The following AGO1 variants were observed in gnomAD, a reference collection of about 807,000 sequenced individuals.
AGO1 encodes protein argonaute-1.
Under a neutral mutation model 109.2 loss-of-function variants are expected in AGO1, and 11 were observed. That is an observed-to-expected ratio of 0.10 (90% confidence interval 0.06 to 0.17). The LOEUF is 0.17. AGO1 is among the 10% of genes least tolerant of loss of function. The probability of loss-of-function intolerance (pLI) is 1.00; values close to 1 mark genes in which losing one functional copy is unlikely to be tolerated. For synonymous variants in AGO1, 422 were observed against 418.6 expected (o/e 1.01, Z -0.10); for missense variants, 574 against 1,140.3 (o/e 0.50, Z 7.15).
intron 12 of AGO1, among the ~76,000 whole-genome samples, chr1:35,908,695 T>G (rs1645573637): frequency 6.6e-6 from 1 of 152,228 alleles, no homozygotes. Flanking sequence ...CTAAGTACCT[T>G]CATTCAAACT....
rs1645862778 is a variant in AGO1, at chr1:35,923,127, AT to A, written c.*3521del. The A allele has an allele frequency of 6.6e-6, 1 of 152,224 alleles. No homozygotes were observed. The highest frequency in any genetic ancestry group is 1.5e-5 in the Non-Finnish European group (1 of 68,054). 9.4% of individuals were successfully genotyped at this position (152,224 alleles called of 1,614,324 possible). ...CGAGGTGCTACACTGGCCTCCAGGG[AT>A]AAGCCTGGGGCTACTGTTGCTGGGA... On this transcript the variant is annotated 3_prime_UTR_variant, in exon 19 of 19. Transcript: ENST00000373204.
intron 1 of AGO1, among the ~76,000 whole-genome samples, chr1:35,887,345 C>T (rs150683621): frequency 3.9e-4 from 59 of 152,288 alleles, no homozygotes; most frequent in African/African-American, 1.3e-3. Context: ...GGCTAGTTCT[C>T]TACTGCCAAG....
At chr1:35,875,210 CA>C (rs1376830827) in intron 1 of AGO1, among the ~76,000 whole-genome samples, 2 of 152,162 alleles carry the variant, frequency 1.3e-5, no homozygotes, top group African/African-American at 4.8e-5. Context: ...TGCCTGGCTT[CA>C]AAGCTTCAAA....
chr1:35,913,724 A>G (rs1297830396), intron 12 of AGO1, 118 bp from the exon 13 acceptor site: 20 of 1,018,736 alleles, frequency 2.0e-5, no homozygotes, highest in Non-Finnish European at 2.7e-5. Context: ...GAGAGTAAGG[A>G]CCTTATGTGT....
At chr1:35,878,324 A>G (rs1389772466), upstream of AGO1, among the ~76,000 whole-genome samples, 1 of 151,480 alleles carries the variant, frequency 6.6e-6, no homozygotes, top group Non-Finnish European at 1.5e-5. Context: ...TGATCTCATG[A>G]TCCTCCCGGC....
At chr1:35,896,398 G>T (rs1248828863) in intron 8 of AGO1, among the ~76,000 whole-genome samples, 1 of 151,130 alleles carries the variant, frequency 6.6e-6, no homozygotes, top group Non-Finnish European at 1.5e-5. Context: ...TTTTGAGACA[G>T]AGTCTCGCTG....
At chr1:35,909,563 C>G (rs1193067319) in intron 12 of AGO1, among the ~76,000 whole-genome samples, 1 of 152,196 alleles carries the variant, frequency 6.6e-6, no homozygotes, top group East Asian at 1.9e-4. Flanking sequence ...AAAATTCTCT[C>G]CATCCTTTAA....
upstream of AGO1, among the ~76,000 whole-genome samples, chr1:35,880,576 G>T (rs1019128630): frequency 6.6e-6 from 1 of 152,094 alleles, no homozygotes. Context: ...AGAATATAGT[G>T]TGAGAGGCAA....
At chr1:35,885,116 C>T (rs1445368981) in intron 1 of AGO1, among the ~76,000 whole-genome samples, 3 of 151,404 alleles carry the variant, frequency 2.0e-5, no homozygotes, top group Admixed American at 2.0e-4. Context: ...ACTGTGTAGT[C>T]GTAAGGATAA....
rs947018571 is a variant in AGO1, at chr1:35,929,079, C to G, written c.*9472C>G. ...ACTGGCACTGTTCTAGGTACTGGGG[C>G]AATGACAGTTAAGATAATACCCAAT... On this transcript the variant is annotated 3_prime_UTR_variant, in exon 19 of 19. Coordinates refer to ENST00000373204, the MANE Select transcript of AGO1 (RefSeq NM_012199.5). 15 of 152,220 alleles carry G rather than the reference C, an allele frequency of 9.9e-5. No individual in the cohort carries two copies. Among genetic ancestry groups the G allele is most frequent in the African/African-American group, 3.4e-4 (14 of 41,458 alleles). The allele number at this position is 152,220 out of a possible 1,614,324, so 9.4% of individuals were successfully genotyped here.
chr1:35,908,079 A>G (rs562398970), intron 12 of AGO1, among the ~76,000 whole-genome samples: 1 of 152,334 alleles, frequency 6.6e-6, no homozygotes, highest in Admixed American at 6.5e-5. Context: ...AGCTTGGGTA[A>G]CATAGTGAGA....
chr1:35,901,944 G>T lies in AGO1; in HGVS notation c.1141-4G>T, dbSNP rs143106048. On this transcript the variant is annotated splice_polypyrimidine_tract_variant and splice_region_variant and intron_variant, in intron 9 of 18. Transcript: ENST00000373204. The surrounding 1 kb of genome is among the most constrained non-coding windows in gnomAD (Gnocchi z 4.8). ...TCCTGAGATTGCTCTCTTTTGTCCT[G>T]CAGATGAAGAATGCCAGCTACAACT... 278 of 1,581,278 alleles carry T rather than the reference G, an allele frequency of 1.8e-4. 1 individual carries two copies. Among genetic ancestry groups the T allele is most frequent in the Middle Eastern group, 1.7e-3 (10 of 5,866 alleles).
intron 12 of AGO1, among the ~76,000 whole-genome samples, chr1:35,910,685 T>C (rs1645617062): frequency 6.6e-6 from 1 of 152,228 alleles, no homozygotes; most frequent in Non-Finnish European, 1.5e-5. Context: ...GTTATAGTTT[T>C]TCCATCATAT....
intron 11 of AGO1, among the ~76,000 whole-genome samples, chr1:35,904,352 G>A (rs190075584): frequency 1.3e-5 from 2 of 151,994 alleles, no homozygotes; most frequent in Non-Finnish European, 2.9e-5. Context: ...TGATCCACCC[G>A]CCTCGGCCTT....
rs1225506641 is a variant in AGO1 at position 35,919,979 on chromosome 1, A to C, written c.*372A>C. 1 of 185,184 alleles carries C rather than the reference A, an allele frequency of 5.4e-6. No individual in the cohort carries two copies. Among genetic ancestry groups the C allele is most frequent in the East Asian group, 1.4e-4 (1 of 7,382 alleles). 11.5% of individuals were successfully genotyped at this position (185,184 alleles called of 1,614,324 possible). On this transcript the variant is annotated 3_prime_UTR_variant, in exon 19 of 19. Coordinates refer to ENST00000373204, the MANE Select transcript of AGO1 (RefSeq NM_012199.5). The surrounding 1 kb of genome is among the most constrained non-coding windows in gnomAD (Gnocchi z 6.6). ...AGGTCAACTCTGTAGCCCTGCAGAC[A>C]AAAGCTGGTTAGGTTTGGGTTTGAT...
rs150023314 is a variant in AGO1 at position 35,919,748 on chromosome 1, G to A, written c.*141G>A. The A allele has an allele frequency of 1.4e-6, 1 of 720,852 alleles. No individual in the cohort carries two copies. Among genetic ancestry groups the A allele is most frequent in the South Asian group, 1.9e-5 (1 of 52,128 alleles). 44.7% of individuals were successfully genotyped at this position (720,852 alleles called of 1,614,324 possible). On this transcript the variant is annotated 3_prime_UTR_variant, in exon 19 of 19. Coordinates refer to ENST00000373204, the MANE Select transcript of AGO1 (RefSeq NM_012199.5). The surrounding 1 kb of genome is among the most constrained non-coding windows in gnomAD (Gnocchi z 6.6). ...ATGCCTTGTTTCCTTCTATAGAGGTGGTGTAAGAGTGGGGAACAGGGCCAG... is the reference window on the plus strand; with the variant it reads ...ATGCCTTGTTTCCTTCTATAGAGGTAGTGTAAGAGTGGGGAACAGGGCCAG...
In AGO1 at chr1:35,919,374, G is replaced by C; in HGVS notation, c.2465+120G>C. The C allele has an allele frequency of 6.9e-7, 1 of 1,456,310 alleles. No homozygotes were observed. The highest frequency in any genetic ancestry group is 9.4e-7 in the Non-Finnish European group (1 of 1,068,200). 90.2% of individuals were successfully genotyped at this position (1,456,310 alleles called of 1,614,324 possible). A position where few individuals can be genotyped will look rare whatever the true frequency, so the allele number is the denominator to read the frequency against. On this transcript the variant is annotated intron_variant, in intron 18 of 18. Coordinates refer to ENST00000373204, the MANE Select transcript of AGO1 (RefSeq NM_012199.5). The surrounding 1 kb of genome is among the most constrained non-coding windows in gnomAD (Gnocchi z 6.6). ...CAATTTGGTGTCATTGGGCTCGTCT[G>C]CCCAATCCTGGGTTGGGTTTCTCTC...
chr1:35,913,727 T>G, intron 12 of AGO1, 115 bp from the exon 13 acceptor site: 1 of 1,081,856 alleles, frequency 9.2e-7, no homozygotes. Flanking sequence ...AGTAAGGACC[T>G]TATGTGTTTC....
chr1:35,913,351 T>C (rs1397252775), intron 12 of AGO1, among the ~76,000 whole-genome samples: 1 of 152,180 alleles, frequency 6.6e-6, no homozygotes. Flanking sequence ...GCTACCCTTA[T>C]CTCCTCTGGT....
Sources: allele counts gnomAD v4.1 joint callset (sites outside exome capture counted in the v4.1 genomes callset), GRCh38; gene constraint gnomAD v4.1.1; non-coding constraint Gnocchi (gnomAD v3.1); transcripts MANE v1.5; gene names NCBI Gene and HGNC (gene_info 2026-07-23, HGNC 2026-07-21).